The following PCLO variants were observed in gnomAD, a reference collection of about 807,000 sequenced individuals.
PCLO encodes the protein protein piccolo.
Under a neutral mutation model 427.5 loss-of-function variants are expected in PCLO, and 82 were observed. The observed-to-expected ratio is 0.19, with a 90% CI of 0.16 to 0.23. The LOEUF (loss-of-function observed/expected upper bound fraction) is 0.23, where lower values mean the gene tolerates loss of function less well. PCLO is among the 10% of genes least tolerant of loss of function. The pLI, the probability that PCLO is intolerant of heterozygous loss-of-function variation, is 1.00. For synonymous variants in PCLO, 2,357 were observed against 2,155.4 expected (o/e 1.09, Z -2.59); for missense variants, 6,239 against 6,115.9 (o/e 1.02, Z -0.67).
chr7:82,873,966 C>T (rs1793304343), intron 10 of PCLO, among the ~76,000 whole-genome samples: 1 of 152,092 alleles, frequency 6.6e-6, no homozygotes, highest in Admixed American at 6.6e-5. Flanking sequence ...GTTGTGAGAA[C>T]ATGTGCCCAG....
Position 83,104,847 on chromosome 7 carries a change from G to A in PCLO, c.3300+29403C>T, listed in dbSNP as rs181470911. Among the ~76,000 whole-genome samples the A allele has an allele frequency of 1.7e-3, 259 of 152,136 alleles. 2 individuals carry two copies. The highest frequency in any genetic ancestry group is 5.9e-3 in the African/African-American group (245 of 41,526). ...CCTGGAAAAAGTCTTCTAAGTCTTG[G>A]GCACTGCCCTCAGCCTTCTCAGTAA... On this transcript the variant is annotated intron_variant, in intron 3 of 24. Coordinates refer to ENST00000333891, the MANE Select transcript of PCLO (RefSeq NM_033026.6).
intron 10 of PCLO, among the ~76,000 whole-genome samples, chr7:82,857,129 A>T (rs778009789): frequency 2.0e-5 from 3 of 152,148 alleles, no homozygotes; most frequent in Non-Finnish European, 4.4e-5. Flanking sequence ...TTCTTTATAA[A>T]TTACTCAGTC....
chr7:83,001,501 T>C (rs77055451), intron 3 of PCLO, among the ~76,000 whole-genome samples: 3 of 99,974 alleles, frequency 3.0e-5, no homozygotes, highest in Non-Finnish European at 3.7e-5. Flanking sequence ...CTAACACACA[T>C]ACAAACACAC....
Position 83,162,499 on chromosome 7 carries a change from G to C in PCLO, c.94C>G (p.Pro32Ala). The change falls in exon 1 of 25, where the codon CCC becomes GCC. Residue 32 changes from proline to alanine, a missense_variant. Transcript: ENST00000333891. ...CCGGCCGGGATCGCGGTGTGAGAGG[G>C]GCTCCCCGCCCCGCTAGCTCCTCCT... ...AGGGASGAGS[P>A]SHTAIPAGME... 1 of 1,569,258 alleles carries C rather than the reference G, an allele frequency of 6.4e-7. No homozygotes were observed. The highest frequency in any genetic ancestry group is 8.6e-7 in the Non-Finnish European group (1 of 1,157,482).
chr7:82,815,936 C>T (rs1791669365), intron 20 of PCLO, among the ~76,000 whole-genome samples: 1 of 152,208 alleles, frequency 6.6e-6, no homozygotes, highest in African/African-American at 2.4e-5. Flanking sequence ...CCTATTCACA[C>T]ATCTACCAAA....
In PCLO at chr7:82,810,923, T is replaced by C. The variant is rs989083373; in HGVS notation, c.14792-5094A>G. 3.3e-5 allele frequency among the ~76,000 whole-genome samples: 5 copies of C among 151,860 alleles called. No individual in the cohort carries two copies. In the East Asian group the frequency reaches 7.7e-4, roughly 23 times the overall value. Reference sequence around the variant, plus strand: ...ACTACTTTTATATCACATCCAGTTATCTGAAATTTAAAAGGCAAGGTCTCT... The same window carrying C: ...ACTACTTTTATATCACATCCAGTTACCTGAAATTTAAAAGGCAAGGTCTCT... On this transcript the variant is annotated intron_variant, in intron 20 of 24. Coordinates refer to ENST00000333891, the MANE Select transcript of PCLO (RefSeq NM_033026.6).
intron 9 of PCLO, among the ~76,000 whole-genome samples, chr7:82,898,290 G>A (rs1793955852): frequency 6.6e-6 from 1 of 151,366 alleles, no homozygotes; most frequent in Non-Finnish European, 1.5e-5. Flanking sequence ...GGACTCCCCT[G>A]AAGAATCTTT....
At chr7:83,046,773 T>A (rs1044601743) in intron 3 of PCLO, among the ~76,000 whole-genome samples, 4 of 152,020 alleles carry the variant, frequency 2.6e-5, no homozygotes, top group African/African-American at 9.7e-5. Flanking sequence ...TTTGATTCCA[T>A]GTCTGAAAAA....
At chr7:82,975,178 G>A (rs1033123588) in intron 3 of PCLO, among the ~76,000 whole-genome samples, 4 of 152,056 alleles carry the variant, frequency 2.6e-5, no homozygotes, top group Non-Finnish European at 4.4e-5. Flanking sequence ...TCACTAGTCA[G>A]CACTACAAGC....
intron 3 of PCLO, among the ~76,000 whole-genome samples, chr7:82,969,247 T>C (rs1032566475): frequency 2.6e-5 from 4 of 152,296 alleles, no homozygotes; most frequent in African/African-American, 9.6e-5. Flanking sequence ...CTATGTAATC[T>C]ATTTTGTCAC....
intron 3 of PCLO, among the ~76,000 whole-genome samples, chr7:83,083,085 T>C (rs1790144239): frequency 6.6e-6 from 1 of 151,910 alleles, no homozygotes; most frequent in African/African-American, 2.4e-5. Context: ...TTTAGCACTT[T>C]ATTTTATATC....
At chr7:83,150,550 T>C (rs1465909386) in intron 2 of PCLO, among the ~76,000 whole-genome samples, 1 of 152,226 alleles carries the variant, frequency 6.6e-6, no homozygotes, top group African/African-American at 2.4e-5. Context: ...AGTTTGGAAC[T>C]AAGGGAGTAA....
chr7:83,025,382 A>G (rs1404601918), intron 3 of PCLO, among the ~76,000 whole-genome samples: 3 of 150,928 alleles, frequency 2.0e-5, no homozygotes, highest in African/African-American at 7.3e-5. Context: ...AATGAAATGA[A>G]GCGAGAAGGG....
chr7:83,049,271 T>A (rs1483770111), intron 3 of PCLO, among the ~76,000 whole-genome samples: 1 of 152,132 alleles, frequency 6.6e-6, no homozygotes, highest in Non-Finnish European at 1.5e-5. Context: ...CAAGGCATGA[T>A]ACAAAAGCAC....
chr7:82,957,755 CA>C (rs998257492), intron 4 of PCLO, among the ~76,000 whole-genome samples: 12 of 152,200 alleles, frequency 7.9e-5, no homozygotes, highest in Non-Finnish European at 1.6e-4. Flanking sequence ...ATGTCACTTA[CA>C]AATACCTTCT....
chr7:82,768,454 T>C (rs1052984439), intron 22 of PCLO, among the ~76,000 whole-genome samples: 1 of 151,884 alleles, frequency 6.6e-6, no homozygotes, highest in South Asian at 2.1e-4. Context: ...AAATGTATAA[T>C]TATTCAACCT....
At chr7:83,007,403 T>C (rs531280381) in intron 3 of PCLO, among the ~76,000 whole-genome samples, 80 of 145,204 alleles carry the variant, frequency 5.5e-4, no homozygotes, top group Non-Finnish European at 1.0e-3. Flanking sequence ...GCTGTTTTGT[T>C]AATATAAAGG....
chr7:83,158,304 G>A (rs1450308555), intron 1 of PCLO, among the ~76,000 whole-genome samples: 1 of 151,992 alleles, frequency 6.6e-6, no homozygotes, highest in Admixed American at 6.5e-5. Flanking sequence ...TCCATTTGGA[G>A]AAAATCATTC....
At chr7:82,760,343 G>T (rs1333410831) in intron 24 of PCLO, among the ~76,000 whole-genome samples, 1 of 151,836 alleles carries the variant, frequency 6.6e-6, no homozygotes, top group Non-Finnish European at 1.5e-5. Flanking sequence ...CAGATGAAAT[G>T]ATTTGAATAA....
Sources: allele counts gnomAD v4.1 joint callset (sites outside exome capture counted in the v4.1 genomes callset), GRCh38; gene constraint gnomAD v4.1.1; transcripts MANE v1.5; gene names NCBI Gene and HGNC (gene_info 2026-07-23, HGNC 2026-07-21).